The following ZNF665 variants were observed in gnomAD, a reference collection of about 807,000 sequenced individuals.
ZNF665 encodes zinc finger protein 665.
A neutral mutation model predicts 7.9 loss-of-function variants in ZNF665; 6 were observed. The observed-to-expected ratio is 0.76, with a 90% CI of 0.42 to 1.50. ZNF665 has a LOEUF of 1.50. Among genes scored for constraint, ZNF665 ranks in the 40% most tolerant of loss-of-function variants. ZNF665 has a pLI of 0.01. For missense variants in ZNF665, 819 were observed against 806.7 expected, an observed-to-expected ratio of 1.02 and a Z score of -0.18; for synonymous variants, 242 against 274.5, an observed-to-expected ratio of 0.88 and a Z score of 1.17.
chr19:53,165,831 T>G lies in ZNF665; in HGVS notation c.659A>C (p.Asn220Thr), dbSNP rs372234303. 1.2e-4 allele frequency: 188 copies of G among 1,613,858 alleles called. No individual in the cohort carries two copies. Among genetic ancestry groups the G allele is most frequent in the Non-Finnish European group, 1.6e-4 (184 of 1,179,936 alleles). ...ATGGATGACCTGATGGATTGTTAGG[T>G]TTGAACGAACAGTAAAGGCTTTGCC... is the stretch of plus-strand genomic sequence containing the variant. ...KCGKAFTVRSNLTIHQVIHTG... is the reference protein window; with the variant it reads ...KCGKAFTVRSTLTIHQVIHTG... The change falls in exon 4 of 4, where the codon AAC becomes ACC. Residue 220 changes from asparagine to threonine, a missense_variant. Asn to Thr is a moderately conservative substitution (Grantham distance 65, BLOSUM62 0). Coordinates refer to ENST00000396424, the MANE Select transcript of ZNF665 (RefSeq NM_024733.5).
intron 1 of ZNF665, among the ~76,000 whole-genome samples, chr19:53,193,006 T>A (rs797020930): frequency 9.2e-5 from 14 of 152,110 alleles, no homozygotes; most frequent in African/African-American, 3.4e-4. Flanking sequence ...GACGGTAAAA[T>A]CCTGCACCCA....
At position 53,180,646 on chromosome 19, in the gene ZNF665, T is replaced by G. The variant is rs573248067; in HGVS notation, c.15+2238A>C. On this transcript the variant is annotated intron_variant, in intron 2 of 3. Transcript: ENST00000396424. Reference sequence around the variant, plus strand: ...TGTGTCTCAATGATGTATTTTTTTTTATGACATCTTTAGTTGTCTTTTTTG... The same window carrying G: ...TGTGTCTCAATGATGTATTTTTTTTGATGACATCTTTAGTTGTCTTTTTTG... The G allele has an allele frequency of 1.1e-4, 17 of 152,338 alleles. 1 individual carries two copies. In the East Asian group the frequency reaches 2.7e-3, roughly 24 times the overall value. The allele number at this position is 152,338 out of a possible 1,614,324, so 9.4% of individuals were successfully genotyped here.
chr19:53,176,691 G>C (rs1194667894), intron 2 of ZNF665, among the ~76,000 whole-genome samples: 2 of 152,338 alleles, frequency 1.3e-5, no homozygotes, highest in Non-Finnish European at 1.5e-5. Context: ...GCCATATCCA[G>C]ACAGTGTAAG....
In ZNF665 at chr19:53,164,971, C is replaced by G. The variant is rs770367837; in HGVS notation, c.1519G>C (p.Val507Leu). Reference sequence around the variant, plus strand: ...TTGTAAGGTTTTTCTCCAGTATGAACTCTCCAATGCCTTGCAAGTTGTGAT... The same window carrying G: ...TTGTAAGGTTTTTCTCCAGTATGAAGTCTCCAATGCCTTGCAAGTTGTGAT... ...QTSQLARHWR[V>L]HTGEKPYKCN... The change falls in exon 4 of 4, where the codon GTT becomes CTT. Residue 507 changes from valine to leucine, a missense_variant. Coordinates refer to ENST00000396424, the MANE Select transcript of ZNF665 (RefSeq NM_024733.5). 1 of 1,596,898 alleles carries G rather than the reference C, an allele frequency of 6.3e-7. No homozygotes were observed. The highest frequency in any genetic ancestry group is 8.5e-7 in the Non-Finnish European group (1 of 1,173,188).
At chr19:53,174,089 T>C (rs1488018419) in intron 3 of ZNF665, among the ~76,000 whole-genome samples, 3 of 152,240 alleles carry the variant, frequency 2.0e-5, no homozygotes, top group East Asian at 3.9e-4. Context: ...CTCTTGGAAG[T>C]AGGTCTTCCA....
chr19:53,178,161 T>C (rs1389679218), intron 2 of ZNF665, among the ~76,000 whole-genome samples: 1 of 152,018 alleles, frequency 6.6e-6, no homozygotes, highest in African/African-American at 2.4e-5. Context: ...TACAAAGGAG[T>C]CAATGTATCT....
chr19:53,180,141 A>G (rs10414189), intron 2 of ZNF665, among the ~76,000 whole-genome samples: 2,264 of 152,274 alleles, frequency 0.015, 55 homozygotes, highest in African/African-American at 0.052. Context: ...TTAATAGATA[A>G]TAGAGAACAG....
chr19:53,164,019 C>T lies in ZNF665; in HGVS notation c.*434G>A, dbSNP rs2090582967. 1 of 157,682 alleles carries T rather than the reference C, an allele frequency of 6.3e-6. No homozygotes were observed. Among genetic ancestry groups the T allele is most frequent in the Admixed American group, 6.2e-5 (1 of 16,092 alleles). The allele number at this position is 157,682 out of a possible 1,614,324, so 9.8% of individuals were successfully genotyped here. A position where few individuals can be genotyped will look rare whatever the true frequency, so the allele number is the denominator to read the frequency against. On this transcript the variant is annotated 3_prime_UTR_variant, in exon 4 of 4. Coordinates refer to ENST00000396424, the MANE Select transcript of ZNF665 (RefSeq NM_024733.5). ...TCTGATGTCTGTTAATGCTTAAACT[C>T]ATCAGGAGTTTGCCACAGTCACTGT...
At chr19:53,180,370 T>G (rs1189036874) in intron 2 of ZNF665, among the ~76,000 whole-genome samples, 4 of 151,866 alleles carry the variant, frequency 2.6e-5, no homozygotes, top group African/African-American at 9.7e-5. Flanking sequence ...GAAGCAGAGG[T>G]TGCAGTGAGC....
chr19:53,171,524 A>ATATATATATTTT lies in ZNF665; in HGVS notation c.142+3920_142+3921insAAAATATATATA, dbSNP rs372855271. 3.6e-3 allele frequency among the ~76,000 whole-genome samples: 250 copies of ATATATATATTTT among 69,296 alleles called. 1 individual carries two copies. Among genetic ancestry groups the ATATATATATTTT allele is most frequent in the East Asian group, 0.012 (18 of 1,542 alleles). 45.5% of individuals were successfully genotyped at this position (69,296 alleles called of 152,430 possible). On this transcript the variant is annotated intron_variant, in intron 3 of 3. Coordinates refer to ENST00000396424, the MANE Select transcript of ZNF665 (RefSeq NM_024733.5). Reference sequence around the variant, plus strand: ...TGTGTGTATATATATATATATATATATTTTTTTTTTTTTTTTCTTTTTTTA... The same window carrying ATATATATATTTT: ...TGTGTGTATATATATATATATATATATATATATATTTTTTTTTTTTTTTTTTTTCTTTTTTTA...
At chr19:53,168,483 T>C (rs979424620) in intron 3 of ZNF665, among the ~76,000 whole-genome samples, 5 of 152,208 alleles carry the variant, frequency 3.3e-5, no homozygotes, top group Non-Finnish European at 7.3e-5. Flanking sequence ...AAATATATCT[T>C]GTTCAGCATT....
At position 53,173,109 on chromosome 19, in the gene ZNF665, A is replaced by G. The variant is rs191436047; in HGVS notation, c.142+2336T>C. Among the ~76,000 whole-genome samples, 35 of 152,296 alleles carry G rather than the reference A, an allele frequency of 2.3e-4. 1 individual carries two copies. In the East Asian group the frequency reaches 5.0e-3, roughly 22 times the overall value. ...AAGCTTCTGGGCTCAAGGCCAAAAA[A>G]TCATTGATAACGTCATGTAGGTTTT... On this transcript the variant is annotated intron_variant, in intron 3 of 3. Transcript: ENST00000396424.
chr19:53,176,660 C>A (rs1236572544), intron 2 of ZNF665, among the ~76,000 whole-genome samples: 1 of 151,970 alleles, frequency 6.6e-6, no homozygotes, highest in Non-Finnish European at 1.5e-5. Flanking sequence ...GGGACTGAGC[C>A]CTACACCTGT....
chr19:53,175,963 C>T (rs2090694959), intron 2 of ZNF665, among the ~76,000 whole-genome samples: 1 of 152,144 alleles, frequency 6.6e-6, no homozygotes, highest in Non-Finnish European at 1.5e-5. Context: ...GAGTTTGAGA[C>T]AAGCCTGGCC....
intron 1 of ZNF665, among the ~76,000 whole-genome samples, chr19:53,183,295 C>G (rs573668112): frequency 2.6e-5 from 4 of 152,182 alleles, no homozygotes; most frequent in East Asian, 1.9e-4. Flanking sequence ...TCCCTCTCCC[C>G]TCTGTGAGTC....
chr19:53,175,325 T>A (rs2090688521), intron 3 of ZNF665, 120 bp downstream of exon 3: 18 of 1,267,122 alleles, frequency 1.4e-5, no homozygotes, highest in Non-Finnish European at 2.0e-5. Flanking sequence ...GCTTTTCATT[T>A]ATGAGTCAAC....
rs2090585308 is a variant in ZNF665, at chr19:53,164,245, C to A, written c.*208G>T. 19 of 359,510 alleles carry A rather than the reference C, an allele frequency of 5.3e-5. No individual in the cohort carries two copies. In the South Asian group the frequency reaches 1.1e-3, roughly 20 times the overall value. The allele number at this position is 359,510 out of a possible 1,614,324, so 22.3% of individuals were successfully genotyped here. ...CTCCGCCTCCCAGGTTCAAGTGATT[C>A]TCCTGCCTCAGCCTCCCGAGTAGCT... On this transcript the variant is annotated 3_prime_UTR_variant, in exon 4 of 4. Coordinates refer to ENST00000396424, the MANE Select transcript of ZNF665 (RefSeq NM_024733.5).
intron 3 of ZNF665, among the ~76,000 whole-genome samples, chr19:53,166,733 T>C (rs148439110): frequency 6.6e-6 from 1 of 152,172 alleles, no homozygotes. Context: ...ATATTTGTTA[T>C]GCATAAGTAA....
At position 53,164,674 on chromosome 19, in the gene ZNF665, C is replaced by T. The variant is rs1198649382; in HGVS notation, c.1816G>A (p.Val606Ile). 1 of 1,612,762 alleles carries T rather than the reference C, an allele frequency of 6.2e-7. No homozygotes were observed. Among genetic ancestry groups the T allele is most frequent in the East Asian group, 2.2e-5 (1 of 44,848 alleles). ...KPYKCNECGK[V>I]FTQNSHLANH... ...GCAAGATGTGAATTTTGAGTGAAGACCTTGCCACATTCATTACATTTGTAA... is the reference window on the plus strand; with the variant it reads ...GCAAGATGTGAATTTTGAGTGAAGATCTTGCCACATTCATTACATTTGTAA... The change falls in exon 4 of 4, where the codon GTC (valine) becomes ATC (isoleucine). Residue 606 changes from valine to isoleucine, a missense_variant. Coordinates refer to ENST00000396424, the MANE Select transcript of ZNF665 (RefSeq NM_024733.5).
Sources: gnomAD v4.1 joint callset for allele counts (sites outside exome capture counted in the v4.1 genomes callset) on GRCh38, gnomAD v4.1.1 for gene constraint, MANE v1.5 for transcripts, NCBI Gene and HGNC (gene_info 2026-07-23, HGNC 2026-07-21) for gene names.